The following EVA1C variants were observed in gnomAD, a reference collection of about 807,000 sequenced individuals.
EVA1C encodes the protein protein eva-1 homolog C.
In EVA1C, 25 loss-of-function variants were observed where a neutral mutation model predicts 45.4. The observed-to-expected ratio is 0.55, with a 90% CI of 0.40 to 0.77. EVA1C has a LOEUF of 0.77. EVA1C is among the 30% of genes least tolerant of loss of function. The probability of loss-of-function intolerance (pLI) is 0.00; values close to 1 mark genes in which losing one functional copy is unlikely to be tolerated. For synonymous variants in EVA1C, 190 were observed against 221.2 expected (o/e 0.86, Z 1.25); for missense variants, 479 against 554.8 (o/e 0.86, Z 1.37).
chr21:32,513,548 TTTC>T (rs918424147), intron 7 of EVA1C, among the ~76,000 whole-genome samples: 3 of 114,446 alleles, frequency 2.6e-5, no homozygotes, highest in African/African-American at 8.7e-5. Flanking sequence ...ATATTTTTCT[TTTC>T]TTTTTTTTTT....
intron 4 of EVA1C, among the ~76,000 whole-genome samples, chr21:32,481,900 C>A (rs1462077897): frequency 6.6e-6 from 1 of 152,096 alleles, no homozygotes; most frequent in Non-Finnish European, 1.5e-5. Context: ...CCACGCTGTA[C>A]CATAGATGCT....
chr21:32,453,490 G>A lies in EVA1C; in HGVS notation c.339G>A (p.Val113=), dbSNP rs772635639. 6.2e-7 allele frequency: 1 copy of A among 1,606,354 alleles called. No individual in the cohort carries two copies. Among genetic ancestry groups the A allele is most frequent in the Non-Finnish European group, 8.5e-7 (1 of 1,175,056 alleles). ...ASQREDSLTC[V]AATTFQKVLD... is the part of the protein sequence containing the mutation. ...AGAGGGAAGACAGCTTAACCTGTGT[G>A]GCAGCCACCACCTTCCAGGTATTGC... is the stretch of plus-strand genomic sequence containing the variant. The change falls in exon 2 of 8, where the codon GTG becomes GTA. Residue 113 remains valine, a synonymous_variant. Transcript: ENST00000300255.
chr21:32,432,505 G>A (rs757368000), intron 1 of EVA1C, among the ~76,000 whole-genome samples: 7 of 152,148 alleles, frequency 4.6e-5, no homozygotes, highest in African/African-American at 9.7e-5. Flanking sequence ...AGGATGAAGA[G>A]GAAGGAGAGC....
chr21:32,507,462 G>GTGCA (rs1359299514), intron 7 of EVA1C, among the ~76,000 whole-genome samples: 1 of 151,580 alleles, frequency 6.6e-6, no homozygotes, highest in African/African-American at 2.4e-5. Context: ...GTGTGCGTGT[G>GTGCA]TGCATGTGTG....
At chr21:32,507,571 CATGTGT>C (rs977774598) in intron 7 of EVA1C, among the ~76,000 whole-genome samples, 1 of 144,490 alleles carries the variant, frequency 6.9e-6, no homozygotes, top group Admixed American at 6.9e-5. Context: ...TTTGTGTGTG[CATGTGT>C]ATATGTGTGT....
Position 32,495,126 on chromosome 21 carries a change from G to A in EVA1C, c.734G>A (p.Cys245Tyr). ...IVNNHHFGSP[C>Y]LPGVKKYLTV... is the part of the protein sequence containing the mutation. ...AACAATCACCATTTTGGAAGCCCCT[G>A]TTTGCCAGGCGTGAAAAAATACCTC... is the stretch of plus-strand genomic sequence containing the variant. The change falls in exon 5 of 8, where the codon TGT becomes TAT. Residue 245 changes from cysteine to tyrosine, a missense_variant. Around this residue, in one of 3 missense-constraint regions of EVA1C, gnomAD observed 366 missense variants for 426.1 expected, o/e 0.86. Transcript: ENST00000300255. 1 of 1,614,114 alleles carries A rather than the reference G, an allele frequency of 6.2e-7. No individual in the cohort carries two copies. The highest frequency in any genetic ancestry group is 8.5e-7 in the Non-Finnish European group (1 of 1,180,028).
chr21:32,424,830 AGAT>A (rs1028579619), intron 1 of EVA1C, among the ~76,000 whole-genome samples: 2 of 152,078 alleles, frequency 1.3e-5, no homozygotes, highest in Non-Finnish European at 2.9e-5. Flanking sequence ...GAATGTCCCA[AGAT>A]GATGATGATG....
chr21:32,497,381 A>G, intron 5 of EVA1C: 2 of 380,176 alleles, frequency 5.3e-6, no homozygotes, highest in Non-Finnish European at 9.7e-6. Context: ...AACTTTTTTC[A>G]GGTGAACTTC....
intron 1 of EVA1C, among the ~76,000 whole-genome samples, chr21:32,432,795 A>G (rs188047191): frequency 1.3e-5 from 2 of 152,250 alleles, no homozygotes; most frequent in Non-Finnish European, 2.9e-5. Context: ...ATCATAGGTC[A>G]CTGCAGCCTT....
chr21:32,465,068 A>C (rs1473417538), intron 3 of EVA1C, among the ~76,000 whole-genome samples: 1 of 152,206 alleles, frequency 6.6e-6, no homozygotes, highest in African/African-American at 2.4e-5. Flanking sequence ...ACAACTGAAA[A>C]AGAAATGTTT....
At chr21:32,448,663 C>T (rs1254266176) in intron 1 of EVA1C, among the ~76,000 whole-genome samples, 1 of 152,056 alleles carries the variant, frequency 6.6e-6, no homozygotes, top group Non-Finnish European at 1.5e-5. Context: ...AATCCCAGCA[C>T]TTTGAGAGGC....
At chr21:32,434,860 T>C (rs1230752356) in intron 1 of EVA1C, among the ~76,000 whole-genome samples, 2 of 152,286 alleles carry the variant, frequency 1.3e-5, no homozygotes. Context: ...TCTGTAGTTC[T>C]AAGCCACCCA....
At chr21:32,497,286 A>C in intron 5 of EVA1C, 1 of 698,076 alleles carries the variant, frequency 1.4e-6, no homozygotes. Flanking sequence ...CAAAGAAAAC[A>C]AATCTCCAGA....
At chr21:32,508,773 C>G (rs1240006575) in intron 7 of EVA1C, among the ~76,000 whole-genome samples, 1 of 152,216 alleles carries the variant, frequency 6.6e-6, no homozygotes, top group East Asian at 1.9e-4. Flanking sequence ...GGTGTCTTAT[C>G]TGGACACGAA....
chr21:32,412,581 C>T, upstream of EVA1C: 1 of 361,558 alleles, frequency 2.8e-6, no homozygotes, highest in Non-Finnish European at 4.9e-6. Flanking sequence ...TCGCTTCCTC[C>T]GGCACGGCGG....
chr21:32,469,362 G>T (rs548939717), intron 4 of EVA1C, among the ~76,000 whole-genome samples: 50 of 152,312 alleles, frequency 3.3e-4, no homozygotes, highest in African/African-American at 1.2e-3. Context: ...CTTGGAGGAG[G>T]TGAGAAAGTG....
At chr21:32,448,998 AGGAG>A (rs1386663227) in intron 1 of EVA1C, among the ~76,000 whole-genome samples, 2 of 150,754 alleles carry the variant, frequency 1.3e-5, no homozygotes, top group Non-Finnish European at 2.9e-5. Flanking sequence ...AAAGAAAGAA[AGGAG>A]GGAGGGTGGG....
intron 1 of EVA1C, chr21:32,428,817 A>G (rs901717461): frequency 1.3e-5 from 2 of 152,176 alleles, no homozygotes; most frequent in African/African-American, 4.8e-5. Context: ...AATTACTATA[A>G]TGATCATTAT....
In EVA1C at chr21:32,504,019, G is replaced by C. The variant is rs759117193; in HGVS notation, c.949+4G>C. The C allele has an allele frequency of 6.9e-6, 11 of 1,595,796 alleles. No individual in the cohort carries two copies. Among genetic ancestry groups the C allele is most frequent in the Non-Finnish European group, 9.4e-6 (11 of 1,166,620 alleles). ...GCAGCCTTTGCTTACATTAGAGGTA[G>C]GTCAATGAATCAAAGCTTCCTAGAA... On this transcript the variant is annotated splice_donor_region_variant and intron_variant, in intron 7 of 7. Coordinates refer to ENST00000300255, the MANE Select transcript of EVA1C (RefSeq NM_058187.5).
Sources: gnomAD v4.1 joint callset for allele counts (sites outside exome capture counted in the v4.1 genomes callset) on GRCh38, gnomAD v4.1.1 for gene constraint, gnomAD v4.1.1 regional missense constraint, MANE v1.5 for transcripts, NCBI Gene and HGNC (gene_info 2026-07-23, HGNC 2026-07-21) for gene names.